The following GPLD1 variants were observed in gnomAD, a reference collection of about 807,000 sequenced individuals.
The protein encoded by GPLD1 is phosphatidylinositol-glycan-specific phospholipase D.
GPLD1 carries 84 observed loss-of-function variants against 112.6 expected under a neutral mutation model. That is an observed-to-expected ratio of 0.75 (90% CI 0.63 to 0.89). GPLD1 has a LOEUF of 0.89. Ranked by LOEUF, GPLD1 falls within the 40% of genes least tolerant of loss-of-function variation. The pLI is 0.00. For synonymous variants in GPLD1, 386 were observed against 403.8 expected (o/e 0.96, Z 0.53); for missense variants, 1,044 against 1,051.5 (o/e 0.99, Z 0.10).
At chr6:24,448,433 T>G (rs1251749654) in intron 15 of GPLD1, among the ~76,000 whole-genome samples, 6 of 144,874 alleles carry the variant, frequency 4.1e-5, no homozygotes, top group Admixed American at 2.1e-4. Flanking sequence ...AACTTTTAAT[T>G]AAAGCGAGAC....
chr6:24,462,564 C>T (rs1763471472), intron 11 of GPLD1, among the ~76,000 whole-genome samples, 166 bp downstream of exon 11: 1 of 152,182 alleles, frequency 6.6e-6, no homozygotes, highest in African/African-American at 2.4e-5. Flanking sequence ...GAAGCTATAG[C>T]TCCAAAAATC....
chr6:24,426,692 G>A lies in GPLD1; in HGVS notation c.*2340C>T, dbSNP rs896386443. Among the ~76,000 whole-genome samples, 2 of 30,090 alleles carry A rather than the reference G, an allele frequency of 6.6e-5. No homozygotes were observed. Among genetic ancestry groups the A allele is most frequent in the African/African-American group, 1.2e-4 (2 of 16,220 alleles). The allele number at this position is 30,090 out of a possible 152,430, so 19.7% of individuals were successfully genotyped here. ...GAGAAAAACATCCCTTTACTCAAGTGTCAGATGTCAGAGTGCTCTAACTGC... is the reference window on the plus strand; with the variant it reads ...GAGAAAAACATCCCTTTACTCAAGTATCAGATGTCAGAGTGCTCTAACTGC... On this transcript the variant is annotated 3_prime_UTR_variant, in exon 25 of 25. Transcript: ENST00000230036.
At chr6:24,457,337 C>A (rs114301631) in intron 12 of GPLD1, among the ~76,000 whole-genome samples, 2,136 of 151,720 alleles carry the variant, frequency 0.014, 17 homozygotes, top group Non-Finnish European at 0.021. Context: ...AAAAATTAGC[C>A]GAGTGTGGTG....
chr6:24,453,594 C>G (rs1258017498), intron 14 of GPLD1, among the ~76,000 whole-genome samples: 1 of 152,114 alleles, frequency 6.6e-6, no homozygotes, highest in Non-Finnish European at 1.5e-5. Flanking sequence ...AGAGATTGCA[C>G]CACTGCACTC....
intron 13 of GPLD1, among the ~76,000 whole-genome samples, chr6:24,454,745 G>A (rs1305165130): frequency 6.6e-6 from 1 of 152,222 alleles, no homozygotes; most frequent in Non-Finnish European, 1.5e-5. Flanking sequence ...TTACAGAGCT[G>A]GATAAACCGA....
At position 24,470,038 on chromosome 6, in the gene GPLD1, A is replaced by G. The variant is rs1380816438; in HGVS notation, c.545+2544T>C. Among the ~76,000 whole-genome samples, 3 of 152,156 alleles carry G rather than the reference A, an allele frequency of 2.0e-5. No individual in the cohort carries two copies. The East Asian group carries it at 5.8e-4, about 29-fold the overall frequency. ...GGCCAAAAACAACTAGAAACAAAAA[A>G]ACCCTGGGAGGTAAGCAAATGGGAC... is the stretch of plus-strand genomic sequence containing the variant. On this transcript the variant is annotated intron_variant, in intron 7 of 24. Coordinates refer to ENST00000230036, the MANE Select transcript of GPLD1 (RefSeq NM_001503.4).
chr6:24,492,858 C>T (rs1764592338), upstream of GPLD1, among the ~76,000 whole-genome samples: 2 of 152,300 alleles, frequency 1.3e-5, no homozygotes, highest in South Asian at 4.1e-4. Context: ...TTGTGAAGTA[C>T]TTCCTGTCAC....
In GPLD1 at chr6:24,433,388, G is replaced by C. The variant is rs1464163356; in HGVS notation, c.2360C>G (p.Ala787Gly). ...TTCAGGAGAAATCAATACATATTGG[G>C]CCTGAAGAAAAAAATTGAGGAGAGA... is the stretch of plus-strand genomic sequence containing the variant. ...SWITPCPEEK[A>G]QYVLISPEAS... Residue 787 changes from alanine to glycine, a missense_variant and splice_region_variant, in exon 23 of 25, where the codon GCC becomes GGC. Ala to Gly is a moderately conservative substitution (Grantham distance 60). Transcript: ENST00000230036. The C allele has an allele frequency of 6.2e-7, 1 of 1,606,540 alleles. No homozygotes were observed. Among genetic ancestry groups the C allele is most frequent in the African/African-American group, 1.3e-5 (1 of 74,612 alleles).
intron 22 of GPLD1, among the ~76,000 whole-genome samples, chr6:24,435,114 C>T (rs1034003571): frequency 1.3e-5 from 2 of 150,604 alleles, no homozygotes; most frequent in African/African-American, 4.9e-5. Flanking sequence ...CGGGTTCACG[C>T]CATTCTCCTG....
rs76527561 is a variant in GPLD1 at position 24,455,517 on chromosome 6, A to G, written c.1148+981T>C. 7.2e-4 allele frequency among the ~76,000 whole-genome samples: 109 copies of G among 152,220 alleles called. 1 individual carries two copies. The East Asian group carries it at 0.019, about 27-fold the overall frequency. On this transcript the variant is annotated intron_variant, in intron 13 of 24. Coordinates refer to ENST00000230036, the MANE Select transcript of GPLD1 (RefSeq NM_001503.4). ...TTTATATACTTGGGGTTAGTTTTGT[A>G]TGTTGTTGTTGTTTTGTTTTATTTT...
chr6:24,452,265 T>C (rs1452865035), intron 14 of GPLD1, among the ~76,000 whole-genome samples: 1 of 152,206 alleles, frequency 6.6e-6, no homozygotes, highest in Non-Finnish European at 1.5e-5. Flanking sequence ...CAACAGTCTG[T>C]CGGGGAAAGG....
At chr6:24,488,517 T>C (rs1581794036) in intron 1 of GPLD1, among the ~76,000 whole-genome samples, 1 of 152,342 alleles carries the variant, frequency 6.6e-6, no homozygotes, top group East Asian at 1.9e-4. Context: ...TGACTCACGT[T>C]TTCCATGCGT....
chr6:24,460,425 T>C, intron 11 of GPLD1, 26 bp from the exon 12 acceptor site: 1 of 1,609,444 alleles, frequency 6.2e-7, no homozygotes, highest in South Asian at 1.1e-5. Flanking sequence ...AGGAATAAAC[T>C]GGTTACGACT....
At chr6:24,458,834 T>C (rs1466760545) in intron 12 of GPLD1, among the ~76,000 whole-genome samples, 1 of 151,362 alleles carries the variant, frequency 6.6e-6, no homozygotes, top group African/African-American at 2.4e-5. Flanking sequence ...GCTGAGGTGG[T>C]ACCACTGCAC....
intron 7 of GPLD1, 57 bp from the exon 8 acceptor site, chr6:24,467,331 C>G (rs1349446522): frequency 6.5e-6 from 6 of 919,190 alleles, no homozygotes; most frequent in Non-Finnish European, 1.1e-5. Flanking sequence ...AAAATAGTAA[C>G]AACAGCAGCA....
Position 24,448,151 on chromosome 6 carries a change from T to G in GPLD1, c.1504A>C (p.Ile502Leu). The change falls in exon 16 of 25, where the codon ATC becomes CTC. Residue 502 changes from isoleucine (I) to leucine (L), a missense_variant. Transcript: ENST00000230036. ...KQGGMSSSPN[I>L]TISCQDIYCN... ...AAACATACCTGGCAAGAAATGGTGA[T>G]GTTAGGGGAAGAAGACATTCCTCCT... 1.9e-6 allele frequency: 3 copies of G among 1,611,266 alleles called. No homozygotes were observed. In the Admixed American group the frequency reaches 5.0e-5, roughly 27 times the overall value.
chr6:24,445,884 C>T (rs1291570298), intron 18 of GPLD1, 53 bp from the exon 19 acceptor site: 26 of 1,282,290 alleles, frequency 2.0e-5, no homozygotes, highest in Non-Finnish European at 3.0e-5. Context: ...TGACAGCTGG[C>T]CAGGTACTCA....
At chr6:24,434,483 A>C (rs16901722) in intron 22 of GPLD1, among the ~76,000 whole-genome samples, 22,271 of 152,066 alleles carry the variant, frequency 0.15, 1,978 homozygotes, top group Non-Finnish European at 0.18. Flanking sequence ...ATAGTGTAAT[A>C]CTTAAGGGTA....
chr6:24,446,414 G>A (rs1762911843), intron 18 of GPLD1, among the ~76,000 whole-genome samples: 1 of 152,042 alleles, frequency 6.6e-6, no homozygotes, highest in Admixed American at 6.6e-5. Context: ...AGGAGGCCGA[G>A]GCAGGAGGAC....
Sources: gnomAD v4.1 joint callset for allele counts (sites outside exome capture counted in the v4.1 genomes callset) on GRCh38, gnomAD v4.1.1 for gene constraint, MANE v1.5 for transcripts, NCBI Gene and HGNC (gene_info 2026-07-23, HGNC 2026-07-21) for gene names.